The following LINS1 variants were observed in gnomAD, a reference collection of about 807,000 sequenced individuals.
LINS1 encodes the protein protein Lines homolog 1.
Under a neutral mutation model 41.6 loss-of-function variants are expected in LINS1, and 27 were observed. The ratio of observed to expected loss-of-function variants is 0.65; its 90% CI spans 0.48 to 0.89. The LOEUF (loss-of-function observed/expected upper bound fraction) is 0.89, where lower values mean the gene tolerates loss of function less well. Among genes scored for constraint, LINS1 ranks in the 40% least tolerant of loss-of-function variants. The pLI, the probability that LINS1 is intolerant of heterozygous loss-of-function variation, is 0.00. For synonymous variants in LINS1, 336 were observed against 312.9 expected (o/e 1.07, Z -0.78); for missense variants, 955 against 884.1 (o/e 1.08, Z -1.02).
At position 100,569,388 on chromosome 15, in the gene LINS1, T is replaced by A. The variant is rs1489338286; in HGVS notation, c.2124A>T (p.Ile708=). ...GGAAGCATTTTACTATTCTGTAAAA[T>A]ATTCCCACTTCAGAGACGACATCAT... is the stretch of plus-strand genomic sequence containing the variant. ...APNDVVSEVG[I]FYRIVKCFQE... is the part of the protein sequence containing the mutation. Residue 708 remains isoleucine, a synonymous_variant, in exon 7 of 7, where the codon ATA becomes ATT. Coordinates refer to ENST00000314742, the MANE Select transcript of LINS1 (RefSeq NM_001040616.3). 3.5e-5 allele frequency: 57 copies of A among 1,614,066 alleles called. No individual in the cohort carries two copies. The highest frequency in any genetic ancestry group is 4.7e-5 in the Non-Finnish European group (56 of 1,180,038).
Position 100,574,087 on chromosome 15 carries a change from G to A in LINS1, c.786C>T (p.Ser262=). The A allele has an allele frequency of 1.2e-6, 2 of 1,614,176 alleles. No homozygotes were observed. The highest frequency in any genetic ancestry group is 8.5e-7 in the Non-Finnish European group (1 of 1,180,016). The change falls in exon 5 of 7, where the codon TCC becomes TCT. Residue 262 remains serine, a synonymous_variant. Transcript: ENST00000314742. Reference sequence around the variant, plus strand: ...TGAAATGTAACTTCAGGTGGATTCTGGAGGCGATGAGAAGCTCAAGCAAAT... The same window carrying A: ...TGAAATGTAACTTCAGGTGGATTCTAGAGGCGATGAGAAGCTCAAGCAAAT... The part of the protein sequence containing the change: ...FLDLLELLIA[S]RIHLKLHFTC...
rs759798598 is a variant in LINS1 at position 100,568,332 on chromosome 15, G to A, written c.*906C>T. 9.8e-5 allele frequency: 15 copies of A among 152,312 alleles called. No homozygotes were observed. The highest frequency in any genetic ancestry group is 3.9e-4 in the East Asian group (2 of 5,188). 9.4% of individuals were successfully genotyped at this position (152,312 alleles called of 1,614,324 possible). On this transcript the variant is annotated 3_prime_UTR_variant, in exon 7 of 7. Coordinates refer to ENST00000314742, the MANE Select transcript of LINS1 (RefSeq NM_001040616.3). ...AAGTCCATCAAGGACACATGAAAGT[G>A]GCCATATCTGGGATTAGGGTCTTTG... is the stretch of plus-strand genomic sequence containing the variant.
chr15:100,601,452 C>T (rs1228668005), intron 1 of LINS1, among the ~76,000 whole-genome samples: 1 of 152,116 alleles, frequency 6.6e-6, no homozygotes, highest in Admixed American at 6.5e-5. Flanking sequence ...AGAACCCTCA[C>T]GGTCCAACCA....
At chr15:100,588,722 C>T (rs1220891370) in intron 1 of LINS1, among the ~76,000 whole-genome samples, 1 of 152,228 alleles carries the variant, frequency 6.6e-6, no homozygotes, top group Admixed American at 6.5e-5. Context: ...GCTATGCAAA[C>T]AAGGTTTTAT....
At chr15:100,586,046 C>A (rs1342895285) in intron 1 of LINS1, among the ~76,000 whole-genome samples, 1 of 152,132 alleles carries the variant, frequency 6.6e-6, no homozygotes, top group African/African-American at 2.4e-5. Context: ...ATATCTTGGG[C>A]CCCCAAAATC....
intron 1 of LINS1, among the ~76,000 whole-genome samples, chr15:100,594,958 C>T (rs950290495): frequency 3.3e-5 from 5 of 152,156 alleles, no homozygotes; most frequent in African/African-American, 1.2e-4. Context: ...TGTTCCTCCT[C>T]GGGCATCAAC....
chr15:100,569,852 T>C lies in LINS1; in HGVS notation c.1660A>G (p.Ile554Val), dbSNP rs777837713. The change falls in exon 7 of 7, where the codon ATA (isoleucine) becomes GTA (valine). Residue 554 changes from isoleucine to valine, a missense_variant. By Grantham distance (29) the Ile-to-Val change is conservative. Coordinates refer to ENST00000314742, the MANE Select transcript of LINS1 (RefSeq NM_001040616.3). ...NFDATESKYDISICGCVPSLV... is the reference protein window; with the variant it reads ...NFDATESKYDVSICGCVPSLV... ...GAGGGGACACAGCCACAAATACTTA[T>C]GTCATATTTAGATTCAGTTGCATCA... 7.4e-6 allele frequency: 12 copies of C among 1,614,068 alleles called. No homozygotes were observed. In the South Asian group the frequency reaches 7.7e-5, roughly 10 times the overall value.
chr15:100,600,113 C>T (rs1030677199), intron 1 of LINS1, among the ~76,000 whole-genome samples: 1 of 152,134 alleles, frequency 6.6e-6, no homozygotes, highest in Non-Finnish European at 1.5e-5. Flanking sequence ...ATGTAAATGG[C>T]TTTTATTAGC....
rs1187821336 is a variant in LINS1 at position 100,568,523 on chromosome 15, C to T, written c.*715G>A. On this transcript the variant is annotated 3_prime_UTR_variant, in exon 7 of 7. Coordinates refer to ENST00000314742, the MANE Select transcript of LINS1 (RefSeq NM_001040616.3). ...AGGGACACCATGGCTGGCTGGCTGC[C>T]ACCAGAAGCCAGAAAGGGGCAGGGT... 6.6e-6 allele frequency: 1 copy of T among 152,348 alleles called. No homozygotes were observed. The allele number at this position is 152,348 out of a possible 1,614,324, so 9.4% of individuals were successfully genotyped here.
chr15:100,581,587 A>G (rs2038546791), intron 1 of LINS1, among the ~76,000 whole-genome samples: 1 of 152,230 alleles, frequency 6.6e-6, no homozygotes, highest in African/African-American at 2.4e-5. Flanking sequence ...GTTACTATAG[A>G]GGGAGTATGG....
In LINS1 at chr15:100,580,425, A is replaced by C; in HGVS notation, c.399+19T>G. The C allele has an allele frequency of 6.2e-7, 1 of 1,611,630 alleles. No individual in the cohort carries two copies. The highest frequency in any genetic ancestry group is 8.5e-7 in the Non-Finnish European group (1 of 1,177,842). The stretch of plus-strand genomic sequence containing the variant: ...AATTATTTTAAATATCTACATCTTT[A>C]GAAAAACAAATGGCTTACTAATTTA... On this transcript the variant is annotated intron_variant, in intron 2 of 6. Transcript: ENST00000314742.
At chr15:100,578,502 G>A (rs36176194) in intron 3 of LINS1, among the ~76,000 whole-genome samples, 24,214 of 150,916 alleles carry the variant, frequency 0.16, 2,189 homozygotes, top group South Asian at 0.21. Flanking sequence ...TTAGAATGGC[G>A]ATCATTAAAA....
At position 100,567,933 on chromosome 15, in the gene LINS1, G is replaced by A. The variant is rs992416048; in HGVS notation, c.*1305C>T. Reference sequence around the variant, plus strand: ...ATAGCCTTAATATATATTTTAATGTGCGGTAGGTTTAGTCTTTGTTCTGTT... The same window carrying A: ...ATAGCCTTAATATATATTTTAATGTACGGTAGGTTTAGTCTTTGTTCTGTT... On this transcript the variant is annotated 3_prime_UTR_variant, in exon 7 of 7. Transcript: ENST00000314742. 8 of 151,682 alleles carry A rather than the reference G, an allele frequency of 5.3e-5. No individual in the cohort carries two copies. Among genetic ancestry groups the A allele is most frequent in the Admixed American group, 5.3e-4 (8 of 15,216 alleles). The allele number at this position is 151,682 out of a possible 1,614,324, so 9.4% of individuals were successfully genotyped here. A position where few individuals can be genotyped will look rare whatever the true frequency, so the allele number is the denominator to read the frequency against.
chr15:100,599,935 G>A (rs2039407420), intron 1 of LINS1, among the ~76,000 whole-genome samples: 1 of 152,056 alleles, frequency 6.6e-6, no homozygotes, highest in Admixed American at 6.5e-5. Flanking sequence ...GTGTGGTGGA[G>A]TGTGTCTGTA....
At position 100,575,146 on chromosome 15, in the gene LINS1, A is replaced by G. The variant is rs756751125; in HGVS notation, c.490-18T>C. 6.2e-7 allele frequency: 1 copy of G among 1,603,728 alleles called. No homozygotes were observed. The highest frequency in any genetic ancestry group is 1.3e-5 in the African/African-American group (1 of 74,886). On this transcript the variant is annotated intron_variant, in intron 3 of 6. Transcript: ENST00000314742. The stretch of plus-strand genomic sequence containing the variant: ...AAGGTTATCTACAAGTGAGAAAATA[A>G]AGCAAGCAGTTAAAATACAATATTT...
In LINS1 at chr15:100,575,017, T is replaced by G; in HGVS notation, c.601A>C (p.Ile201Leu). The change falls in exon 4 of 7, where the codon ATC (isoleucine) becomes CTC (leucine). Residue 201 changes from isoleucine to leucine, a missense_variant. Transcript: ENST00000314742. ...LWTLTAIIKE[I>L]FKDSCSQKTE... ...TTCTGTGAACATGAATCTTTAAAGA[T>G]TTCTTTTATTATTGCTGTAAGAGTC... 6.2e-7 allele frequency: 1 copy of G among 1,613,020 alleles called. No individual in the cohort carries two copies. The highest frequency in any genetic ancestry group is 2.2e-5 in the East Asian group (1 of 44,782).
intron 1 of LINS1, among the ~76,000 whole-genome samples, chr15:100,600,013 C>T (rs2039411176): frequency 6.6e-6 from 1 of 152,146 alleles, no homozygotes; most frequent in African/African-American, 2.4e-5. Context: ...TTGCAGTGAG[C>T]CAAGCTCGCA....
intron 3 of LINS1, among the ~76,000 whole-genome samples, chr15:100,577,285 C>T (rs1421543975): frequency 3.9e-5 from 6 of 152,204 alleles, no homozygotes; most frequent in Middle Eastern, 3.2e-3. Context: ...ACCCCATCGT[C>T]TCAGCCCAAA....
intron 6 of LINS1, chr15:100,570,437 A>C: frequency 4.4e-6 from 1 of 225,388 alleles, no homozygotes; most frequent in Non-Finnish European, 8.9e-6. Flanking sequence ...TAATTCCTAA[A>C]CCTCCTTCCT....
Sources: gnomAD v4.1 joint callset for allele counts (sites outside exome capture counted in the v4.1 genomes callset) on GRCh38, gnomAD v4.1.1 for gene constraint, MANE v1.5 for transcripts, NCBI Gene and HGNC (gene_info 2026-07-23, HGNC 2026-07-21) for gene names.